The following C8orf34 variants were observed in gnomAD, a reference collection of about 807,000 sequenced individuals.
C8orf34 encodes the protein chromosome 8 open reading frame 34, also known as uncharacterized protein C8orf34.
A neutral mutation model predicts 68.3 loss-of-function variants in C8orf34; 65 were observed. That is an observed-to-expected ratio of 0.95 (90% CI 0.78 to 1.17). The LOEUF (loss-of-function observed/expected upper bound fraction) is 1.17. Among genes scored for constraint, C8orf34 ranks in the 50% most tolerant of loss-of-function variants. C8orf34 has a pLI of 0.00. For synonymous variants in C8orf34, 244 were observed against 241.2 expected (o/e 1.01, Z -0.11); for missense variants, 664 against 655.4 (o/e 1.01, Z -0.14).
intron 1 of C8orf34, among the ~76,000 whole-genome samples, chr8:68,408,726 A>C (rs1809311885): frequency 6.6e-6 from 1 of 152,096 alleles, no homozygotes; most frequent in South Asian, 2.1e-4. Flanking sequence ...TCCATTATGC[A>C]TGTGTTTGTG....
At chr8:68,358,873 GTT>G (rs1806863175) in intron 1 of C8orf34, among the ~76,000 whole-genome samples, 1 of 151,636 alleles carries the variant, frequency 6.6e-6, no homozygotes, top group Non-Finnish European at 1.5e-5. Context: ...AATTTTTGTA[GTT>G]TTAGGAGAGG....
At chr8:68,394,439 C>T (rs375238699) in intron 1 of C8orf34, among the ~76,000 whole-genome samples, 82 of 146,554 alleles carry the variant, frequency 5.6e-4, no homozygotes, top group Admixed American at 1.2e-3. Context: ...TATGGCTGCA[C>T]AGTATTCCAT....
chr8:68,485,304 A>T (rs998191709), intron 4 of C8orf34, among the ~76,000 whole-genome samples: 3 of 152,156 alleles, frequency 2.0e-5, no homozygotes, highest in Non-Finnish European at 2.9e-5. Context: ...TGAATAATGG[A>T]TTCATAAATA....
At chr8:68,777,674 G>A (rs59404825) in intron 11 of C8orf34, among the ~76,000 whole-genome samples, 15,676 of 152,160 alleles carry the variant, frequency 0.1, 879 homozygotes, top group African/African-American at 0.13. Flanking sequence ...TCTTAAAAGT[G>A]CCAAGATGCT....
intron 5 of C8orf34, among the ~76,000 whole-genome samples, chr8:68,511,392 T>G (rs1045436633): frequency 2.0e-5 from 3 of 152,026 alleles, no homozygotes; most frequent in African/African-American, 7.3e-5. Flanking sequence ...ACTGGCTATT[T>G]TAAAGAGAGC....
intron 7 of C8orf34, among the ~76,000 whole-genome samples, chr8:68,555,137 C>T (rs1304829745): frequency 6.6e-6 from 1 of 152,008 alleles, no homozygotes; most frequent in African/African-American, 2.4e-5. Context: ...ATTGAATAAG[C>T]CCAAAGGGAT....
At chr8:68,577,552 A>G (rs958773701) in intron 7 of C8orf34, among the ~76,000 whole-genome samples, 1 of 152,018 alleles carries the variant, frequency 6.6e-6, no homozygotes, top group Non-Finnish European at 1.5e-5. Flanking sequence ...TAAAAAGAGA[A>G]TGAATGAAAG....
At chr8:68,587,109 T>C (rs1817232563) in intron 7 of C8orf34, among the ~76,000 whole-genome samples, 1 of 152,130 alleles carries the variant, frequency 6.6e-6, no homozygotes, top group South Asian at 2.1e-4. Flanking sequence ...GCACAGACTT[T>C]GGTTAGTCAC....
At chr8:68,666,629 G>A (rs1819850535) in intron 8 of C8orf34, among the ~76,000 whole-genome samples, 1 of 152,180 alleles carries the variant, frequency 6.6e-6, no homozygotes. Context: ...TTCATGAACT[G>A]AGTAGGAAAT....
rs554274986 is a variant in C8orf34 at position 68,493,721 on chromosome 8, C to A, written c.765+5670C>A. Among the ~76,000 whole-genome samples the A allele has an allele frequency of 3.3e-5, 5 of 152,134 alleles. No individual in the cohort carries two copies. In the South Asian group the frequency reaches 8.3e-4, roughly 25 times the overall value. Reference sequence around the variant, plus strand: ...GGCGATTAGGCCATGAGGGATCCACCCTCATAAATGAGATTAGTGCCTTTA... The same window carrying A: ...GGCGATTAGGCCATGAGGGATCCACACTCATAAATGAGATTAGTGCCTTTA... On this transcript the variant is annotated intron_variant, in intron 5 of 13. Transcript: ENST00000518698.
chr8:68,542,395 C>CT (rs1406612664), intron 7 of C8orf34, among the ~76,000 whole-genome samples: 2 of 152,130 alleles, frequency 1.3e-5, no homozygotes, highest in Admixed American at 1.3e-4. Context: ...CCTTTCTTTT[C>CT]TTTTTTTCTC....
intron 10 of C8orf34, among the ~76,000 whole-genome samples, chr8:68,739,275 T>C (rs1461848418): frequency 6.6e-6 from 1 of 151,910 alleles, no homozygotes; most frequent in East Asian, 1.9e-4. Context: ...TAACCTAGGT[T>C]TGGAAGTAAC....
chr8:68,515,870 A>G (rs1438739263), intron 5 of C8orf34, among the ~76,000 whole-genome samples: 1 of 152,246 alleles, frequency 6.6e-6, no homozygotes, highest in Non-Finnish European at 1.5e-5. Context: ...GAATCAGTTC[A>G]CACTAATTAT....
intron 7 of C8orf34, among the ~76,000 whole-genome samples, chr8:68,578,642 C>CTATATA (rs545258846): frequency 1.7e-4 from 25 of 148,802 alleles, no homozygotes; most frequent in African/African-American, 6.3e-4. Context: ...AGATTAAATA[C>CTATATA]TATATATATA....
At position 68,589,610 on chromosome 8, in the gene C8orf34, AAGGAGAGAAGAAGAAAGAAGG is replaced by A. The variant is rs1396475803; in HGVS notation, c.1106-50751_1106-50731del. 4.0e-5 allele frequency among the ~76,000 whole-genome samples: 4 copies of A among 98,820 alleles called. No homozygotes were observed. The East Asian group carries it at 9.4e-4, about 23-fold the overall frequency. The allele number at this position is 98,820 out of a possible 152,430, so 64.8% of individuals were successfully genotyped here. The stretch of plus-strand genomic sequence containing the variant: ...GGATGAAGGAAGGAAGGAAAGAAAG[AAGGAGAGAAGAAGAAAGAAGG>A]AGGAGAGAAGAAGAGAGGAGGAAGG... On this transcript the variant is annotated intron_variant, in intron 7 of 13. Coordinates refer to ENST00000518698, the MANE Select transcript of C8orf34 (RefSeq NM_052958.4).
intron 1 of C8orf34, among the ~76,000 whole-genome samples, chr8:68,417,753 C>T (rs970908120): frequency 2.0e-5 from 3 of 152,006 alleles, no homozygotes; most frequent in African/African-American, 7.3e-5. Context: ...GTTCTTTTGG[C>T]TTAGGATTGA....
intron 4 of C8orf34, among the ~76,000 whole-genome samples, chr8:68,476,841 A>G (rs1812640214): frequency 6.6e-6 from 1 of 152,206 alleles, no homozygotes; most frequent in South Asian, 2.1e-4. Flanking sequence ...TTTATTCACA[A>G]TCTCTATAAG....
intron 9 of C8orf34, among the ~76,000 whole-genome samples, chr8:68,714,554 A>G (rs1395756523): frequency 6.6e-6 from 1 of 152,180 alleles, no homozygotes; most frequent in African/African-American, 2.4e-5. Flanking sequence ...ATACTTAGGA[A>G]TATAACTAAA....
At chr8:68,548,289 A>T (rs1165973827) in intron 7 of C8orf34, among the ~76,000 whole-genome samples, 1 of 151,752 alleles carries the variant, frequency 6.6e-6, no homozygotes, top group Non-Finnish European at 1.5e-5. Context: ...ACATATTAAA[A>T]TCTGACAAAT....
Sources: gnomAD v4.1 joint callset for allele counts (sites outside exome capture counted in the v4.1 genomes callset) on GRCh38, gnomAD v4.1.1 for gene constraint, MANE v1.5 for transcripts, NCBI Gene and HGNC (gene_info 2026-07-23, HGNC 2026-07-21) for gene names.